Variants in SMARCC1 observed in about 807,000 individuals in gnomAD.
SMARCC1 encodes SWI/SNF complex subunit SMARCC1.
In SMARCC1, 43 loss-of-function variants were observed where a neutral mutation model predicts 147.4. The ratio of observed to expected loss-of-function variants is 0.29; its 90% CI spans 0.23 to 0.38. SMARCC1 has a LOEUF of 0.38. SMARCC1 is among the 10% of genes least tolerant of loss of function. The probability of loss-of-function intolerance (pLI) is 1.00; values close to 1 mark genes in which losing one functional copy is unlikely to be tolerated. For missense variants in SMARCC1, 1,119 were observed against 1,381.1 expected, an observed-to-expected ratio of 0.81 and a Z score of 3.01; for synonymous variants, 495 against 484.4, an observed-to-expected ratio of 1.02 and a Z score of -0.29.
intron 6 of SMARCC1, 131 bp from the exon 7 acceptor site, chr3:47,720,866 G>A (rs1006456407): frequency 4.1e-6 from 3 of 729,578 alleles, no homozygotes; most frequent in Admixed American, 2.5e-5. Context: ...GCTGTTGCTG[G>A]TTTGGAAAGA....
At chr3:47,689,233 TCCTTAGGGGAAAAACTAA>T (rs1210741721) in intron 13 of SMARCC1, among the ~76,000 whole-genome samples, 136 bp downstream of exon 13, 1 of 152,138 alleles carries the variant, frequency 6.6e-6, no homozygotes, top group East Asian at 1.9e-4. Context: ...GTATTTGTTT[TCCTTAGGGGAAAAACTAA>T]AAACAAAAAA....
chr3:47,613,679 T>C (rs2032596209), intron 25 of SMARCC1, among the ~76,000 whole-genome samples: 1 of 152,098 alleles, frequency 6.6e-6, no homozygotes, highest in South Asian at 2.1e-4. Flanking sequence ...GATTTGAAAA[T>C]TTAAAATATC....
At position 47,676,604 on chromosome 3, in the gene SMARCC1, T is replaced by C. The variant is rs556882473; in HGVS notation, c.1725+25A>G. 6.2e-6 allele frequency: 10 copies of C among 1,602,004 alleles called. No homozygotes were observed. In the South Asian group the frequency reaches 1.1e-4, roughly 18 times the overall value. On this transcript the variant is annotated intron_variant, in intron 17 of 27. Transcript: ENST00000254480. ...ATGGCCATTTGTTACTATCCAGGTC[T>C]GATGAAAAGTCAACATTAATTTACC...
At chr3:47,599,614 T>TTAA (rs750201485) in intron 26 of SMARCC1, among the ~76,000 whole-genome samples, 147 of 152,270 alleles carry the variant, frequency 9.7e-4, no homozygotes, top group Admixed American at 2.0e-3. Context: ...GGTACTCTGA[T>TTAA]TCTAGAGATG....
At position 47,590,686 on chromosome 3, in the gene SMARCC1, T is replaced by C. The variant is rs762541539; in HGVS notation, c.3195A>G (p.Val1065=). 2.6e-6 allele frequency: 4 copies of C among 1,557,786 alleles called. No individual in the cohort carries two copies. Among genetic ancestry groups the C allele is most frequent in the East Asian group, 4.8e-5 (2 of 42,064 alleles). The part of the protein sequence containing the change: ...PMPGNILGPR[V]PLTAPNGMYP... ...ACATGCCGTTAGGTGCTGTCAGGGG[T>C]ACCCGGGGTCCTAAGATGTTTCCTG... The change falls in exon 27 of 28, where the codon GTA becomes GTG. Residue 1065 remains valine (V), a synonymous_variant. Transcript: ENST00000254480.
At position 47,750,991 on chromosome 3, in the gene SMARCC1, G is replaced by T. The variant is rs138501275; in HGVS notation, c.316-4998C>A. Among the ~76,000 whole-genome samples the T allele has an allele frequency of 4.1e-3, 626 of 151,692 alleles. 6 individuals are homozygous for T. The highest frequency in any genetic ancestry group is 0.015 in the African/African-American group (603 of 41,334). Reference sequence around the variant, plus strand: ...CAGCTGACTGCAACCTCTGCCTCCCGGGTTCAAGGGACTGTCCTGCCTCAG... The same window carrying T: ...CAGCTGACTGCAACCTCTGCCTCCCTGGTTCAAGGGACTGTCCTGCCTCAG... On this transcript the variant is annotated intron_variant, in intron 2 of 27. Transcript: ENST00000254480.
At chr3:47,695,964 G>A (rs1426882811) in intron 11 of SMARCC1, among the ~76,000 whole-genome samples, 1 of 142,654 alleles carries the variant, frequency 7.0e-6, no homozygotes, top group Non-Finnish European at 1.5e-5. Flanking sequence ...CTACTCGGGA[G>A]GCTGAGGCAT....
At chr3:47,641,089 C>A (rs567870098) in intron 21 of SMARCC1, among the ~76,000 whole-genome samples, 1 of 152,280 alleles carries the variant, frequency 6.6e-6, no homozygotes, top group East Asian at 1.9e-4. Flanking sequence ...CTGAAAGATG[C>A]CAACAGTATT....
chr3:47,604,574 T>A (rs2032438196), intron 26 of SMARCC1: 1 of 294,326 alleles, frequency 3.4e-6, no homozygotes, highest in Admixed American at 4.7e-5. Context: ...CGGACAATCT[T>A]ACTTGCCCTG....
chr3:47,762,240 C>T (rs190912916), intron 2 of SMARCC1, among the ~76,000 whole-genome samples: 1 of 152,298 alleles, frequency 6.6e-6, no homozygotes, highest in Non-Finnish European at 1.5e-5. Context: ...AGGTACTCCC[C>T]AGGAAATAAT....
rs191251952 is a variant in SMARCC1 at position 47,607,213 on chromosome 3, A to G, written c.3043+2853T>C. ...GTGAGCAGGGTAAACTTCTAAGGCTATCTCCACAAATGTCATTTAGAGTGG... is the reference window on the plus strand; with the variant it reads ...GTGAGCAGGGTAAACTTCTAAGGCTGTCTCCACAAATGTCATTTAGAGTGG... On this transcript the variant is annotated intron_variant, in intron 26 of 27. Transcript: ENST00000254480. 2.4e-3 allele frequency among the ~76,000 whole-genome samples: 367 copies of G among 152,298 alleles called. 1 individual carries two copies. The highest frequency in any genetic ancestry group is 5.1e-3 in the African/African-American group (213 of 41,562).
chr3:47,751,427 G>C (rs1471723056), intron 2 of SMARCC1, among the ~76,000 whole-genome samples: 1 of 152,020 alleles, frequency 6.6e-6, no homozygotes, highest in Non-Finnish European at 1.5e-5. Flanking sequence ...TGTAGTCCCA[G>C]CTACTTGGGA....
chr3:47,727,924 C>T (rs1416520366), intron 6 of SMARCC1, among the ~76,000 whole-genome samples: 1 of 151,804 alleles, frequency 6.6e-6, no homozygotes, highest in African/African-American at 2.4e-5. Context: ...CACTATGTTG[C>T]CCAGGTTGGA....
At position 47,587,887 on chromosome 3, in the gene SMARCC1, A is replaced by C. The variant is rs1017668057; in HGVS notation, c.*322T>G. ...AACTGCAAGAGAGCAAAAATGGTAA[A>C]GACATAGCATGCTAAAGTTGACAGG... On this transcript the variant is annotated 3_prime_UTR_variant, in exon 28 of 28. Coordinates refer to ENST00000254480, the MANE Select transcript of SMARCC1 (RefSeq NM_003074.4). 19 of 306,346 alleles carry C rather than the reference A, an allele frequency of 6.2e-5. No individual in the cohort carries two copies. The highest frequency in any genetic ancestry group is 4.0e-4 in the African/African-American group (18 of 45,078). 19.0% of individuals were successfully genotyped at this position (306,346 alleles called of 1,614,324 possible).
At chr3:47,745,178 G>C (rs2034551769) in intron 3 of SMARCC1, among the ~76,000 whole-genome samples, 1 of 152,098 alleles carries the variant, frequency 6.6e-6, no homozygotes, top group South Asian at 2.1e-4. Flanking sequence ...GCTGAGGCAG[G>C]AGAATCACTG....
At chr3:47,729,514 T>G (rs113638717) in intron 5 of SMARCC1, among the ~76,000 whole-genome samples, 2 of 152,114 alleles carry the variant, frequency 1.3e-5, no homozygotes, top group Non-Finnish European at 2.9e-5. Context: ...GCCTCCTGAG[T>G]AGCTGGGATT....
chr3:47,725,044 A>AAAAAAAAAAAAAAAAAAG (rs2034282188), intron 6 of SMARCC1, among the ~76,000 whole-genome samples: 1 of 150,638 alleles, frequency 6.6e-6, no homozygotes. Flanking sequence ...AAAAAAAAAA[A>AAAAAAAAAAAAAAAAAAG]AAAAAAAAAA....
rs757328664 is a variant in SMARCC1, at chr3:47,586,050, C to G, written c.*2159G>C. 2 of 152,588 alleles carry G rather than the reference C, an allele frequency of 1.3e-5. No homozygotes were observed. The highest frequency in any genetic ancestry group is 2.9e-5 in the Non-Finnish European group (2 of 68,036). The allele number at this position is 152,588 out of a possible 1,614,324, so 9.5% of individuals were successfully genotyped here. A position where few individuals can be genotyped will look rare whatever the true frequency, so the allele number is the denominator to read the frequency against. On this transcript the variant is annotated 3_prime_UTR_variant, in exon 28 of 28. Transcript: ENST00000254480. ...ACAAAAACCACATATTATTCCCCCCCCTCACAAAATCAGGTGGCTGAATTA... is the reference window on the plus strand; with the variant it reads ...ACAAAAACCACATATTATTCCCCCCGCTCACAAAATCAGGTGGCTGAATTA...
intron 19 of SMARCC1, among the ~76,000 whole-genome samples, chr3:47,666,301 C>T (rs1191470504): frequency 3.3e-5 from 5 of 152,192 alleles, no homozygotes; most frequent in African/African-American, 9.6e-5. Context: ...TGCAAAGCAA[C>T]TCCTCTGTAC....
Sources: gnomAD v4.1 joint callset for allele counts (sites outside exome capture counted in the v4.1 genomes callset) on GRCh38, gnomAD v4.1.1 for gene constraint, MANE v1.5 for transcripts, NCBI Gene and HGNC (gene_info 2026-07-23, HGNC 2026-07-21) for gene names.